SLC6A17: variants seen among roughly 807,000 people sequenced by gnomAD.
SLC6A17 encodes sodium-dependent neutral amino acid transporter SLC6A17.
Under a neutral mutation model 64.5 loss-of-function variants are expected in SLC6A17, and 21 were observed. The observed-to-expected ratio is 0.33, with a 90% CI of 0.23 to 0.47. The LOEUF (loss-of-function observed/expected upper bound fraction) is 0.47. Among genes scored for constraint, SLC6A17 ranks in the 20% least tolerant of loss-of-function variants. SLC6A17 has a pLI of 1.00. For synonymous variants in SLC6A17, 372 were observed against 399.5 expected (o/e 0.93, Z 0.82); for missense variants, 682 against 963.2 (o/e 0.71, Z 3.86).
rs1656845629 is a variant in SLC6A17 at position 110,192,227 on chromosome 1, C to T, written c.1106+14C>T. 1 of 1,599,656 alleles carries T rather than the reference C, an allele frequency of 6.3e-7. No homozygotes were observed. Among genetic ancestry groups the T allele is most frequent in the East Asian group, 2.2e-5 (1 of 44,636 alleles). On this transcript the variant is annotated intron_variant, in intron 7 of 11. Coordinates refer to ENST00000331565, the MANE Select transcript of SLC6A17 (RefSeq NM_001010898.4). The surrounding 1 kb of genome is among the most constrained non-coding windows in gnomAD (Gnocchi z 4.3). ...GTGTGTGGTCGAGTAGGTGGCATCT[C>T]TCCTCCTGTCCCTCCTTCTCCCTGT...
intron 6 of SLC6A17, among the ~76,000 whole-genome samples, chr1:110,189,998 A>G (rs1335082728): frequency 2.6e-5 from 4 of 152,150 alleles, no homozygotes; most frequent in East Asian, 1.9e-4. Context: ...TCTCTCTCCA[A>G]CTAGAATGTA....
chr1:110,155,263 C>G (rs1655725736), intron 1 of SLC6A17, among the ~76,000 whole-genome samples: 1 of 152,218 alleles, frequency 6.6e-6, no homozygotes, highest in Non-Finnish European at 1.5e-5. Flanking sequence ...TTCTCTTTCT[C>G]TTCCTTCTCC....
chr1:110,182,273 A>T (rs1385405452), intron 6 of SLC6A17, among the ~76,000 whole-genome samples: 1 of 152,190 alleles, frequency 6.6e-6, no homozygotes, highest in Admixed American at 6.5e-5. Flanking sequence ...GAGCAGTTGG[A>T]AGGATGGAAT....
chr1:110,171,120 G>A (rs1656213088), intron 2 of SLC6A17, among the ~76,000 whole-genome samples: 1 of 152,194 alleles, frequency 6.6e-6, no homozygotes, highest in Non-Finnish European at 1.5e-5. Context: ...TTATGTTATG[G>A]GGGCAGAGCA....
chr1:110,173,856 CTT>C, intron 3 of SLC6A17, 115 bp from the exon 4 acceptor site: 3 of 1,459,988 alleles, frequency 2.1e-6, no homozygotes, highest in Non-Finnish European at 2.7e-6. Flanking sequence ...CCTTGCCTCT[CTT>C]GAGGCTGTGC....
intron 6 of SLC6A17, among the ~76,000 whole-genome samples, chr1:110,181,315 T>G (rs936096146): frequency 2.0e-5 from 3 of 152,262 alleles, no homozygotes; most frequent in Non-Finnish European, 4.4e-5. Context: ...TACATATTTG[T>G]CCTACAGATG....
chr1:110,187,700 T>A (rs116480007), intron 6 of SLC6A17, among the ~76,000 whole-genome samples: 1 of 152,214 alleles, frequency 6.6e-6, no homozygotes, highest in African/African-American at 2.4e-5. Context: ...CTCCAGCAGA[T>A]TGTGGTAGGG....
chr1:110,190,082 G>A (rs1462787039), intron 6 of SLC6A17, among the ~76,000 whole-genome samples: 2 of 152,194 alleles, frequency 1.3e-5, no homozygotes, highest in South Asian at 2.1e-4. Context: ...CCCACAGCAG[G>A]TGCTCAGAGA....
chr1:110,171,104 G>A (rs1338567474), intron 2 of SLC6A17, among the ~76,000 whole-genome samples: 4 of 152,184 alleles, frequency 2.6e-5, no homozygotes, highest in African/African-American at 9.7e-5. Context: ...GTGAACATGT[G>A]GGATGTTATG....
Position 110,198,464 on chromosome 1 carries a change from C to T in SLC6A17, c.*20C>T, listed in dbSNP as rs41306175. Reference sequence around the variant, plus strand: ...CTGTGACCACTGCCCAAGCCCTGCCCGCCTCTCCCCCCACGCTCAACCTGC... The same window carrying T: ...CTGTGACCACTGCCCAAGCCCTGCCTGCCTCTCCCCCCACGCTCAACCTGC... On this transcript the variant is annotated 3_prime_UTR_variant, in exon 12 of 12. Coordinates refer to ENST00000331565, the MANE Select transcript of SLC6A17 (RefSeq NM_001010898.4). The T allele has an allele frequency of 0.091, 143,999 of 1,583,680 alleles. 7,166 individuals carry two copies. Among genetic ancestry groups the T allele is most frequent in the Non-Finnish European group, 0.1 (120,672 of 1,163,312 alleles).
intron 2 of SLC6A17, among the ~76,000 whole-genome samples, chr1:110,170,346 TGGTGGCGGGCGC>T (rs1411376418): frequency 6.6e-6 from 1 of 151,910 alleles, no homozygotes; most frequent in African/African-American, 2.4e-5. Context: ...TAGCCGGGCG[TGGTGGCGGGCGC>T]CTGTAGACCC....
intron 1 of SLC6A17, among the ~76,000 whole-genome samples, chr1:110,165,417 G>A (rs1005550911): frequency 1.3e-5 from 2 of 152,152 alleles, no homozygotes; most frequent in Non-Finnish European, 1.5e-5. Flanking sequence ...AACCAGGCTG[G>A]CCCTGTCATA....
chr1:110,151,037 T>C (rs1655585417), intron 1 of SLC6A17, among the ~76,000 whole-genome samples, 154 bp downstream of exon 1: 1 of 152,156 alleles, frequency 6.6e-6, no homozygotes, highest in Non-Finnish European at 1.5e-5. Context: ...CCCGGGCTCC[T>C]CTCGCCGCTC....
chr1:110,195,539 C>T, intron 9 of SLC6A17, 47 bp from the exon 10 acceptor site: 1 of 1,606,568 alleles, frequency 6.2e-7, no homozygotes, highest in Non-Finnish European at 8.5e-7. Context: ...CAGGGCCCTG[C>T]CCACCCTGCA....
At chr1:110,182,081 G>A (rs920386757) in intron 6 of SLC6A17, among the ~76,000 whole-genome samples, 10 of 152,200 alleles carry the variant, frequency 6.6e-5, no homozygotes, top group African/African-American at 2.4e-4. Flanking sequence ...AGGGAGACCT[G>A]TCAGGAGGTC....
intron 1 of SLC6A17, among the ~76,000 whole-genome samples, chr1:110,154,462 G>A (rs1280725387): frequency 1.3e-5 from 2 of 152,200 alleles, no homozygotes; most frequent in African/African-American, 4.8e-5. Flanking sequence ...GGGAAAAGGG[G>A]AAATCGGCCT....
chr1:110,170,463 A>G (rs1415129384), intron 2 of SLC6A17, among the ~76,000 whole-genome samples: 1 of 152,158 alleles, frequency 6.6e-6, no homozygotes, highest in African/African-American at 2.4e-5. Context: ...CAGCCTGGGC[A>G]ACAGAGCAAG....
chr1:110,168,041 A>T (rs1656114291), intron 2 of SLC6A17: 1 of 152,204 alleles, frequency 6.6e-6, no homozygotes, highest in South Asian at 2.1e-4. Context: ...CACCACTTCC[A>T]GCCCCCAGGA....
chr1:110,194,641 C>A lies in SLC6A17; in HGVS notation c.1362C>A (p.Ala454=). The A allele has an allele frequency of 1.2e-6, 2 of 1,614,224 alleles. No individual in the cohort carries two copies. The highest frequency in any genetic ancestry group is 1.7e-6 in the Non-Finnish European group (2 of 1,180,042). The change falls in exon 9 of 12, where the codon GCC becomes GCA. Residue 454 remains alanine, a synonymous_variant. Transcript: ENST00000331565. ...CTGAGGCCATGACGCACTTCCCCGC[C>A]TCCCCGTTCTGGTCCGTCATGTTCT... ...AFTEAMTHFP[A]SPFWSVMFFL... is the part of the protein sequence containing the mutation.
Sources: allele counts gnomAD v4.1 joint callset (sites outside exome capture counted in the v4.1 genomes callset), GRCh38; gene constraint gnomAD v4.1.1; non-coding constraint Gnocchi (gnomAD v3.1); transcripts MANE v1.5; gene names NCBI Gene and HGNC (gene_info 2026-07-23, HGNC 2026-07-21).